Variants in MRPL13 observed in about 807,000 individuals in gnomAD.
The protein encoded by MRPL13 is mitochondrial ribosomal protein L13, also known as large ribosomal subunit protein uL13m.
In MRPL13, 33 loss-of-function variants were observed where a neutral mutation model predicts 29.0. That is an observed-to-expected ratio of 1.14 (90% CI 0.86 to 1.52). MRPL13 has a LOEUF of 1.52. Among genes scored for constraint, MRPL13 ranks in the 40% most tolerant of loss-of-function variants. The pLI is 0.00. For synonymous variants in MRPL13, 77 were observed against 68.4 expected, an observed-to-expected ratio of 1.13 and a Z score of -0.62; for missense variants, 227 against 216.7, an observed-to-expected ratio of 1.05 and a Z score of -0.30.
At chr8:120,407,641 C>CGATG (rs1336468774) in intron 6 of MRPL13, among the ~76,000 whole-genome samples, 3 of 142,324 alleles carry the variant, frequency 2.1e-5, no homozygotes, top group Admixed American at 2.1e-4. Flanking sequence ...AAGAGCAAAA[C>CGATG]TCCATCTAAA....
At chr8:120,418,977 T>C (rs186760775) in intron 5 of MRPL13, among the ~76,000 whole-genome samples, 1 of 152,146 alleles carries the variant, frequency 6.6e-6, no homozygotes, top group East Asian at 1.9e-4. Context: ...GCTTGAAAAA[T>C]CGTTATAACT....
intron 2 of MRPL13, among the ~76,000 whole-genome samples, chr8:120,434,515 T>G (rs1410325660): frequency 2.0e-5 from 3 of 152,070 alleles, no homozygotes; most frequent in Non-Finnish European, 4.4e-5. Flanking sequence ...CCAGTAAAAC[T>G]TCAAAGGCAG....
At chr8:120,421,280 A>G (rs887105060) in intron 4 of MRPL13, among the ~76,000 whole-genome samples, 1 of 151,902 alleles carries the variant, frequency 6.6e-6, no homozygotes, top group Non-Finnish European at 1.5e-5. Context: ...TACAACAGAG[A>G]GAAAAAGAAC....
intron 5 of MRPL13, among the ~76,000 whole-genome samples, chr8:120,418,792 T>C (rs1812834745): frequency 6.6e-6 from 1 of 152,080 alleles, no homozygotes; most frequent in African/African-American, 2.4e-5. Context: ...TGGATGATGA[T>C]ACTGCTCCCA....
At chr8:120,420,496 T>G (rs1428167151) in intron 4 of MRPL13, among the ~76,000 whole-genome samples, 1 of 147,698 alleles carries the variant, frequency 6.8e-6, no homozygotes, top group African/African-American at 2.5e-5. Flanking sequence ...AAAATATATA[T>G]AAATATATAT....
chr8:120,423,547 A>G (rs1812898104), intron 4 of MRPL13, among the ~76,000 whole-genome samples: 2 of 152,180 alleles, frequency 1.3e-5, no homozygotes, highest in Admixed American at 1.3e-4. Context: ...CATAAAAGCA[A>G]TAATACAAGC....
chr8:120,418,016 A>G (rs1452757588), intron 5 of MRPL13, among the ~76,000 whole-genome samples: 1 of 152,122 alleles, frequency 6.6e-6, no homozygotes, highest in Non-Finnish European at 1.5e-5. Context: ...TTCTTTCCCT[A>G]TTCCTTTGTA....
intron 6 of MRPL13, among the ~76,000 whole-genome samples, chr8:120,400,506 T>TAAGTA (rs1812578720): frequency 3.3e-5 from 5 of 152,032 alleles, no homozygotes; most frequent in African/African-American, 1.2e-4. Flanking sequence ...TAGCACTAAA[T>TAAGTA]GCCCACGACA....
chr8:120,413,862 C>G, intron 6 of MRPL13, 129 bp downstream of exon 6: 1 of 1,179,776 alleles, frequency 8.5e-7, no homozygotes, highest in African/African-American at 1.6e-5. Context: ...TAGGTAGTAG[C>G]TGCTGAGTTC....
chr8:120,397,035 T>C (rs1812532344), intron 6 of MRPL13, among the ~76,000 whole-genome samples: 1 of 151,802 alleles, frequency 6.6e-6, no homozygotes, highest in Admixed American at 6.6e-5. Flanking sequence ...CAGGATGGAG[T>C]GACTGCCCAC....
chr8:120,409,184 G>A (rs1812714148), intron 6 of MRPL13, among the ~76,000 whole-genome samples: 1 of 152,106 alleles, frequency 6.6e-6, no homozygotes, highest in South Asian at 2.1e-4. Flanking sequence ...TCCATGGTTA[G>A]CTTCTCTACA....
In MRPL13 at chr8:120,422,563, A is replaced by AAT. The variant is rs947558074; in HGVS notation, c.307-2627_307-2626dup. Among the ~76,000 whole-genome samples, 53 of 148,662 alleles carry AAT rather than the reference A, an allele frequency of 3.6e-4. 2 individuals carry two copies. In the East Asian group the frequency reaches 8.7e-3, roughly 25 times the overall value. On this transcript the variant is annotated intron_variant, in intron 4 of 6. Transcript: ENST00000306185. Reference sequence around the variant, plus strand: ...TCTGAGAGGTCATTTAATATATGGAAATATATATATAAACATATATATAAA... The same window carrying AAT: ...TCTGAGAGGTCATTTAATATATGGAAATATATATATATAAACATATATATAAA...
intron 6 of MRPL13, among the ~76,000 whole-genome samples, chr8:120,401,270 T>TGAA (rs1345846446): frequency 6.6e-6 from 1 of 152,154 alleles, no homozygotes; most frequent in Non-Finnish European, 1.5e-5. Context: ...ACTGGCAAAC[T>TGAA]GAATCCAGCA....
At chr8:120,443,368 G>A in intron 1 of MRPL13, 60 bp from the exon 2 acceptor site, 2 of 1,327,172 alleles carry the variant, frequency 1.5e-6, no homozygotes, top group Non-Finnish European at 2.0e-6. Context: ...TCATTAAAAT[G>A]GAAATACAGT....
rs780776670 is a variant in MRPL13, at chr8:120,443,165, A to G, written c.151+20T>C. The stretch of plus-strand genomic sequence containing the variant: ...CATGAAAACTACAGTGGTTAATGAC[A>G]GGTCTAAAATAATACTTACTCAGTG... On this transcript the variant is annotated intron_variant, in intron 2 of 6. Transcript: ENST00000306185. 2.1e-5 allele frequency: 31 copies of G among 1,498,056 alleles called. No individual in the cohort carries two copies. The Admixed American group carries it at 4.2e-4, about 20-fold the overall frequency. 92.8% of individuals were successfully genotyped at this position (1,498,056 alleles called of 1,614,324 possible). A position where few individuals can be genotyped will look rare whatever the true frequency, so the allele number is the denominator to read the frequency against.
Position 120,396,061 on chromosome 8 carries a change from A to G in MRPL13, c.*43T>C. 1 of 1,531,782 alleles carries G rather than the reference A, an allele frequency of 6.5e-7. No individual in the cohort carries two copies. Among genetic ancestry groups the G allele is most frequent in the Non-Finnish European group, 8.9e-7 (1 of 1,119,204 alleles). 94.9% of individuals were successfully genotyped at this position (1,531,782 alleles called of 1,614,324 possible). ...AGGTTAGAGAAACTCATCAGAAGAA[A>G]GTTTCAATCACTTCACTGTTATTTT... On this transcript the variant is annotated 3_prime_UTR_variant, in exon 7 of 7. Coordinates refer to ENST00000306185, the MANE Select transcript of MRPL13 (RefSeq NM_014078.6).
At chr8:120,408,056 G>A (rs1263041643) in intron 6 of MRPL13, among the ~76,000 whole-genome samples, 4 of 152,142 alleles carry the variant, frequency 2.6e-5, no homozygotes, top group Non-Finnish European at 4.4e-5. Context: ...TATACTGAGA[G>A]GTAAAGTAAT....
At chr8:120,416,997 T>C (rs1271541585) in intron 5 of MRPL13, among the ~76,000 whole-genome samples, 4 of 151,922 alleles carry the variant, frequency 2.6e-5, no homozygotes, top group Non-Finnish European at 4.4e-5. Flanking sequence ...TTAGTTACTA[T>C]ATTATGTTGT....
intron 2 of MRPL13, among the ~76,000 whole-genome samples, chr8:120,438,604 T>C (rs1406012621): frequency 6.6e-6 from 1 of 152,218 alleles, no homozygotes; most frequent in African/African-American, 2.4e-5. Context: ...TATTTGCATT[T>C]CTGCAAAGAC....
Sources: gnomAD v4.1 joint callset for allele counts (sites outside exome capture counted in the v4.1 genomes callset) on GRCh38, gnomAD v4.1.1 for gene constraint, MANE v1.5 for transcripts, NCBI Gene and HGNC (gene_info 2026-07-23, HGNC 2026-07-21) for gene names.